The following ABCB5 variants were observed in gnomAD, a reference collection of about 807,000 sequenced individuals.
ABCB5 encodes the protein ATP binding cassette subfamily B member 5, also known as ATP-binding cassette sub-family B member 5.
A neutral mutation model predicts 144.2 loss-of-function variants in ABCB5; 155 were observed. The ratio of observed to expected loss-of-function variants is 1.08; its 90% CI spans 0.94 to 1.23. The LOEUF is 1.23. Ranked by LOEUF, ABCB5 falls within the 50% of genes most tolerant of loss-of-function variation. The pLI, the probability that ABCB5 is intolerant of heterozygous loss-of-function variation, is 0.00. For missense variants in ABCB5, 1,830 were observed against 1,520.8 expected (o/e 1.20, Z -3.38); for synonymous variants, 610 against 528.6 (o/e 1.15, Z -2.11).
intron 14 of ABCB5, among the ~76,000 whole-genome samples, chr7:20,672,428 G>A (rs1785478117): frequency 6.6e-6 from 1 of 151,952 alleles, no homozygotes; most frequent in Admixed American, 6.6e-5. Context: ...GGGAGGGAGA[G>A]CATCAGGACA....
In ABCB5 at chr7:20,681,570, G is replaced by T; in HGVS notation, c.1773G>T (p.Leu591Phe). The change falls in exon 15 of 28, where the codon TTG becomes TTT. Residue 591 changes from leucine (L) to phenylalanine (F), a missense_variant. By Grantham distance (22) the Leu-to-Phe change is conservative. Coordinates refer to ENST00000404938, the MANE Select transcript of ABCB5 (RefSeq NM_001163941.2). ...TTTCTACTATTCGAAGTGCAGATTT[G>T]ATTGTGACCCTAAAGGATGGAATGC... Reference protein sequence around the residue: ...HRLSTIRSADLIVTLKDGMLA... With the variant: ...HRLSTIRSADFIVTLKDGMLA... 1 of 1,614,194 alleles carries T rather than the reference G, an allele frequency of 6.2e-7. No individual in the cohort carries two copies. Among genetic ancestry groups the T allele is most frequent in the Non-Finnish European group, 8.5e-7 (1 of 1,180,038 alleles).
chr7:20,723,254 T>G, intron 21 of ABCB5, 35 bp downstream of exon 21: 1 of 1,598,190 alleles, frequency 6.3e-7, no homozygotes, highest in Non-Finnish European at 8.6e-7. Context: ...TCGTAACATT[T>G]AAAGAGAAAA....
intron 24 of ABCB5, 36 bp downstream of exon 24, chr7:20,739,175 GA>G (rs1442361027): frequency 6.6e-7 from 1 of 1,523,256 alleles, no homozygotes. Flanking sequence ...TCCAAATAAA[GA>G]TGGCAACAGT....
At chr7:20,754,842 CCTGA>C (rs1242971244) in intron 27 of ABCB5, among the ~76,000 whole-genome samples, 22 of 152,300 alleles carry the variant, frequency 1.4e-4, no homozygotes, top group Non-Finnish European at 1.0e-4. Context: ...AATACTACTT[CCTGA>C]CTGTGAGTTT....
At chr7:20,629,560 G>A (rs979191752) in intron 4 of ABCB5, among the ~76,000 whole-genome samples, 13 of 151,988 alleles carry the variant, frequency 8.6e-5, no homozygotes, top group African/African-American at 2.7e-4. Flanking sequence ...TCAGGAGTTC[G>A]ATACTAGCCT....
At chr7:20,704,239 G>A (rs1786739709) in intron 19 of ABCB5, among the ~76,000 whole-genome samples, 1 of 151,796 alleles carries the variant, frequency 6.6e-6, no homozygotes, top group Admixed American at 6.6e-5. Flanking sequence ...ACCATGCCCA[G>A]CTAATGTTTG....
At chr7:20,722,925 A>G in intron 20 of ABCB5, 91 bp from the exon 21 acceptor site, 1 of 1,101,834 alleles carries the variant, frequency 9.1e-7, no homozygotes, top group Admixed American at 2.2e-5. Context: ...TTTTTTAAAA[A>G]GTCTACCTTG....
intron 1 of ABCB5, 100 bp from the exon 2 acceptor site, chr7:20,623,165 T>C (rs913936701): frequency 2.8e-5 from 21 of 751,888 alleles, no homozygotes; most frequent in Non-Finnish European, 3.5e-5. Flanking sequence ...GATGCTTCCT[T>C]TTTCAAACTG....
intron 16 of ABCB5, among the ~76,000 whole-genome samples, chr7:20,694,936 C>A (rs1194036607): frequency 6.6e-6 from 1 of 151,874 alleles, no homozygotes; most frequent in African/African-American, 2.4e-5. Flanking sequence ...CAGAGAAAAA[C>A]TACTGAGAAA....
intron 2 of ABCB5, among the ~76,000 whole-genome samples, chr7:20,626,137 G>A (rs780221397): frequency 5.3e-5 from 8 of 152,272 alleles, no homozygotes; most frequent in Non-Finnish European, 7.4e-5. Context: ...AAATAGAACC[G>A]CGGTTGCCAG....
chr7:20,645,936 C>G (rs777029176), intron 8 of ABCB5, 25 bp from the exon 9 acceptor site: 3 of 1,612,534 alleles, frequency 1.9e-6, no homozygotes, highest in African/African-American at 2.7e-5. Context: ...CCAGTGGCTA[C>G]TAAGTTGTGT....
chr7:20,717,706 G>A (rs1185682120), intron 20 of ABCB5, among the ~76,000 whole-genome samples: 1 of 151,334 alleles, frequency 6.6e-6, no homozygotes, highest in African/African-American at 2.4e-5. Flanking sequence ...CAAAGTGCTG[G>A]GATTACAGGC....
At chr7:20,638,407 G>T (rs1348059646) in intron 5 of ABCB5, among the ~76,000 whole-genome samples, 1 of 151,860 alleles carries the variant, frequency 6.6e-6, no homozygotes, top group East Asian at 1.9e-4. Context: ...AGTTTTAATT[G>T]TGCAACTTAA....
At chr7:20,649,211 G>A (rs1164744572) in intron 11 of ABCB5, among the ~76,000 whole-genome samples, 4 of 152,212 alleles carry the variant, frequency 2.6e-5, no homozygotes, top group East Asian at 1.9e-4. Context: ...GGTGGTCCCC[G>A]ATTTCTCACC....
At chr7:20,681,012 T>TCTCTCTCTCTC (rs1785785370) in intron 14 of ABCB5, among the ~76,000 whole-genome samples, 1 of 4,926 alleles carries the variant, frequency 2.0e-4, no homozygotes, top group Admixed American at 2.2e-3. Context: ...CTTTCTTTCT[T>TCTCTCTCTCTC]TCTTTCTTTC....
chr7:20,692,941 T>C (rs1010904732), intron 16 of ABCB5, among the ~76,000 whole-genome samples: 1 of 152,146 alleles, frequency 6.6e-6, no homozygotes, highest in Non-Finnish European at 1.5e-5. Flanking sequence ...TTCAACACCC[T>C]TCTACTAAAT....
At chr7:20,749,094 C>T (rs1304355811) in intron 26 of ABCB5, among the ~76,000 whole-genome samples, 2 of 151,522 alleles carry the variant, frequency 1.3e-5, no homozygotes, top group Non-Finnish European at 2.9e-5. Context: ...TTCTTGCTTG[C>T]TTTTCTTGTA....
intron 14 of ABCB5, among the ~76,000 whole-genome samples, chr7:20,675,957 A>T (rs896703506): frequency 6.6e-6 from 1 of 152,144 alleles, no homozygotes; most frequent in South Asian, 2.1e-4. Flanking sequence ...ATGTAAGTCA[A>T]TACCACAATG....
Position 20,685,832 on chromosome 7 carries a change from A to C in ABCB5, c.2006A>C (p.Lys669Thr), listed in dbSNP as rs13222448. The C allele has an allele frequency of 6.2e-7, 1 of 1,604,344 alleles. No homozygotes were observed. The highest frequency in any genetic ancestry group is 8.5e-7 in the Non-Finnish European group (1 of 1,176,802). The change falls in exon 16 of 28, where the codon AAA becomes ACA. Residue 669 changes from lysine to threonine, a missense_variant. Physicochemically the swap from Lys to Thr is moderately conservative, Grantham distance 78 (BLOSUM62 -1). Coordinates refer to ENST00000404938, the MANE Select transcript of ABCB5 (RefSeq NM_001163941.2). ...AAGGCTGAGGAATCCACCCAATCTA[A>C]AGAGGTAATGGCTCAGCGATCAACC... is the stretch of plus-strand genomic sequence containing the variant. ...IDKAEESTQSKEISLPEVSLL... is the reference protein window; with the variant it reads ...IDKAEESTQSTEISLPEVSLL...
Sources: gnomAD v4.1 joint callset for allele counts (sites outside exome capture counted in the v4.1 genomes callset) on GRCh38, gnomAD v4.1.1 for gene constraint, MANE v1.5 for transcripts, NCBI Gene and HGNC (gene_info 2026-07-23, HGNC 2026-07-21) for gene names.